The following TEX14 variants were observed in gnomAD, a reference collection of about 807,000 sequenced individuals.
TEX14 encodes the protein inactive serine/threonine-protein kinase TEX14.
In TEX14, 168 loss-of-function variants were observed where a neutral mutation model predicts 178.6. That is an observed-to-expected ratio of 0.94 (90% CI 0.83 to 1.07). TEX14 has a LOEUF of 1.07. Among genes scored for constraint, TEX14 ranks in the 50% least tolerant of loss-of-function variants. The probability of loss-of-function intolerance (pLI) is 0.00; values close to 1 mark genes in which losing one functional copy is unlikely to be tolerated. For synonymous variants in TEX14, 626 were observed against 634.1 expected, an observed-to-expected ratio of 0.99 and a Z score of 0.19; for missense variants, 1,730 against 1,753.6, an observed-to-expected ratio of 0.99 and a Z score of 0.24.
Position 58,621,681 on chromosome 17 carries a change from T to C in TEX14, c.523A>G (p.Ser175Gly). ...ACGAGGCCCCCACACCAGGACGGGC[T>C]GTAGACAAGCCGCTGCGGGGAGTCT... ...KIDSPQRLVY[S>G]PSWCGGLVQG... Residue 175 changes from serine (S) to glycine (G), a missense_variant, in exon 5 of 32, where the codon AGC (serine) becomes GGC (glycine). Around this residue, in one of 2 missense-constraint regions of TEX14, gnomAD observed 789 missense variants for 681.2 expected, o/e 1.16. Coordinates refer to ENST00000349033, the MANE Select transcript of TEX14 (RefSeq NM_031272.5). 1 of 1,614,132 alleles carries C rather than the reference T, an allele frequency of 6.2e-7. No individual in the cohort carries two copies. The highest frequency in any genetic ancestry group is 1.1e-5 in the South Asian group (1 of 91,088).
At chr17:58,687,362 C>A (rs1439558346) in intron 1 of TEX14, among the ~76,000 whole-genome samples, 1 of 152,126 alleles carries the variant, frequency 6.6e-6, no homozygotes, top group Non-Finnish European at 1.5e-5. Context: ...TACCCCCTGA[C>A]CCCTTCTTCC....
intron 1 of TEX14, among the ~76,000 whole-genome samples, chr17:58,663,750 G>A (rs2098013781): frequency 6.6e-6 from 1 of 152,118 alleles, no homozygotes; most frequent in African/African-American, 2.4e-5. Flanking sequence ...TTACAGGCAT[G>A]AGCCAATGTG....
chr17:58,673,848 G>A (rs150648818), intron 1 of TEX14, among the ~76,000 whole-genome samples: 90 of 152,212 alleles, frequency 5.9e-4, no homozygotes, highest in Admixed American at 1.5e-3. Flanking sequence ...GATTATAGAC[G>A]TGAGCCACCC....
chr17:58,564,629 T>C (rs1383345610), intron 28 of TEX14, among the ~76,000 whole-genome samples: 1 of 152,236 alleles, frequency 6.6e-6, no homozygotes, highest in Non-Finnish European at 1.5e-5. Context: ...TATTGGACTG[T>C]GCACTTAAAA....
intron 2 of TEX14, chr17:58,631,121 T>G (rs2046275992): frequency 2.0e-6 from 2 of 977,112 alleles, no homozygotes; most frequent in South Asian, 9.5e-5. Context: ...AAGAAAAAAA[T>G]TTAGTCCTCC....
At chr17:58,593,286 A>G (rs1410753280) in intron 15 of TEX14, among the ~76,000 whole-genome samples, 1 of 152,220 alleles carries the variant, frequency 6.6e-6, no homozygotes, top group Non-Finnish European at 1.5e-5. Context: ...CTATCTGGGC[A>G]GTTGCGGAAA....
intron 2 of TEX14, among the ~76,000 whole-genome samples, chr17:58,635,154 G>GA (rs917587672): frequency 2.0e-5 from 3 of 151,720 alleles, no homozygotes; most frequent in African/African-American, 7.3e-5. Context: ...AAGTTAAAAG[G>GA]AAAAAATGCT....
chr17:58,593,292 G>A (rs1453142730), intron 15 of TEX14, among the ~76,000 whole-genome samples: 45 of 152,230 alleles, frequency 3.0e-4, no homozygotes, highest in South Asian at 4.1e-4. Flanking sequence ...GGGCAGTTGC[G>A]GAAAGGCAAG....
At chr17:58,583,642 C>T (rs1421158465) in intron 19 of TEX14, among the ~76,000 whole-genome samples, 2 of 152,174 alleles carry the variant, frequency 1.3e-5, no homozygotes, top group Non-Finnish European at 2.9e-5. Flanking sequence ...CCTTCCTGTG[C>T]ACTTAACAGC....
chr17:58,607,243 G>A (rs971997260), intron 10 of TEX14, among the ~76,000 whole-genome samples: 10 of 152,064 alleles, frequency 6.6e-5, no homozygotes, highest in African/African-American at 2.2e-4. Context: ...CACCTGCAAC[G>A]GCTTGCTGTC....
intron 5 of TEX14, among the ~76,000 whole-genome samples, chr17:58,618,820 A>G (rs1039185872): frequency 6.6e-6 from 1 of 152,198 alleles, no homozygotes; most frequent in Non-Finnish European, 1.5e-5. Context: ...GCTATTGAGG[A>G]GAAGACTCTG....
In TEX14 at chr17:58,587,636, G is replaced by C; in HGVS notation, c.2733C>G (p.Ile911Met). ...RMSVEPVSSE[I>M]YNAESRNKDD... The stretch of plus-strand genomic sequence containing the variant: ...CTTTATTTCTGGACTCTGCATTATA[G>C]ATTTCAGAAGAAACAGGTTCCACAC... Residue 911 changes from isoleucine (I) to methionine (M), a missense_variant, in exon 17 of 32, where the codon ATC becomes ATG. Around this residue, in one of 2 missense-constraint regions of TEX14, gnomAD observed 941 missense variants for 1,072.4 expected, o/e 0.88. Coordinates refer to ENST00000349033, the MANE Select transcript of TEX14 (RefSeq NM_031272.5). 1 of 1,606,048 alleles carries C rather than the reference G, an allele frequency of 6.2e-7. No individual in the cohort carries two copies. Among genetic ancestry groups the C allele is most frequent in the Non-Finnish European group, 8.5e-7 (1 of 1,177,424 alleles).
intron 28 of TEX14, among the ~76,000 whole-genome samples, chr17:58,563,699 AGAGCGC>A (rs2044334248): frequency 1.5e-4 from 3 of 19,494 alleles, no homozygotes; most frequent in African/African-American, 2.0e-4. Flanking sequence ...AGAGAGAGAG[AGAGCGC>A]AAGATCATAC....
chr17:58,661,754 G>T (rs1039580159), intron 1 of TEX14: 10 of 556,876 alleles, frequency 1.8e-5, no homozygotes, highest in Non-Finnish European at 3.2e-5. Flanking sequence ...GGAAGGCAAC[G>T]GAGTCGGTTG....
At chr17:58,672,071 G>A (rs2047313245) in intron 1 of TEX14, among the ~76,000 whole-genome samples, 1 of 152,166 alleles carries the variant, frequency 6.6e-6, no homozygotes, top group Admixed American at 6.6e-5. Context: ...CAGCTCATCA[G>A]GCATTAGTTA....
chr17:58,605,682 T>A (rs1394248666), intron 10 of TEX14, among the ~76,000 whole-genome samples: 2 of 152,236 alleles, frequency 1.3e-5, no homozygotes, highest in Non-Finnish European at 2.9e-5. Flanking sequence ...ACTGGCAGCT[T>A]CTGCCAGGCA....
At chr17:58,679,067 T>C (rs2047443640) in intron 1 of TEX14, among the ~76,000 whole-genome samples, 1 of 151,796 alleles carries the variant, frequency 6.6e-6, no homozygotes, top group Non-Finnish European at 1.5e-5. Flanking sequence ...GGCAGGAGAA[T>C]CCCTTGAACC....
At position 58,599,277 on chromosome 17, in the gene TEX14, A is replaced by G. The variant is rs1374092773; in HGVS notation, c.2068T>C (p.Phe690Leu). Residue 690 changes from phenylalanine (F) to leucine (L), a missense_variant, in exon 14 of 32, where the codon TTT (phenylalanine) becomes CTT (leucine). Around this residue, in one of 2 missense-constraint regions of TEX14, gnomAD observed 941 missense variants for 1,072.4 expected, o/e 0.88. Transcript: ENST00000349033. ...SSSKAETEYS[F>L]DDWDWQNGSL... is the part of the protein sequence containing the mutation. The stretch of plus-strand genomic sequence containing the variant: ...CCGTTTTGCCAGTCCCAGTCATCAA[A>G]AGAGTACTCTGTCTCAGCTTTTGAA... 2 of 1,613,546 alleles carry G rather than the reference A, an allele frequency of 1.2e-6. No homozygotes were observed. Among genetic ancestry groups the G allele is most frequent in the Non-Finnish European group, 1.7e-6 (2 of 1,180,026 alleles).
At chr17:58,571,235 C>CTTTTTTT (rs11456555) in intron 24 of TEX14, among the ~76,000 whole-genome samples, 28 of 127,212 alleles carry the variant, frequency 2.2e-4, no homozygotes, top group Non-Finnish European at 2.7e-4. Context: ...CTTTTCTTTT[C>CTTTTTTT]TTTTTTTTTT....
Sources: allele counts gnomAD v4.1 joint callset (sites outside exome capture counted in the v4.1 genomes callset), GRCh38; gene constraint gnomAD v4.1.1; regional missense constraint gnomAD v4.1.1; transcripts MANE v1.5; gene names NCBI Gene and HGNC (gene_info 2026-07-23, HGNC 2026-07-21).